LRRC37A2: variants seen among roughly 807,000 people sequenced by gnomAD.
LRRC37A2 encodes the protein leucine rich repeat containing 37 member A2, also known as leucine-rich repeat-containing protein 37A2.
In LRRC37A2, 9 loss-of-function variants were observed where a neutral mutation model predicts 68.8. The observed-to-expected ratio is 0.13, with a 90% confidence interval of 0.08 to 0.23. LRRC37A2 has a LOEUF of 0.23. Among genes scored for constraint, LRRC37A2 ranks in the 10% least tolerant of loss-of-function variants. LRRC37A2 has a pLI of 1.00. For synonymous variants in LRRC37A2, 63 were observed against 367.6 expected (o/e 0.17, Z 9.48); for missense variants, 168 against 950.4 (o/e 0.18, Z 10.82).
At chr17:46,923,278 G>C in the LRRC37A2 span, 13 of 1,550,026 alleles carry the variant, frequency 8.4e-6, no homozygotes, top group East Asian at 3.2e-4. Context: ...AGGTGAGCCT[G>C]GCTTCTGGGG....
At chr17:46,710,322 G>A in the LRRC37A2 span, among the ~76,000 whole-genome samples, 2 of 152,168 alleles carry the variant, frequency 1.3e-5, no homozygotes, top group African/African-American at 4.8e-5. Flanking sequence ...TGACAATGAA[G>A]AAGGGTGCAA....
chr17:46,790,719 T>G, the LRRC37A2 span, among the ~76,000 whole-genome samples: 1 of 152,200 alleles, frequency 6.6e-6, no homozygotes, highest in African/African-American at 2.4e-5. Context: ...ATCTCCATGT[T>G]CACGGCCACA....
At chr17:46,961,504 C>G in the LRRC37A2 span, among the ~76,000 whole-genome samples, 1 of 152,076 alleles carries the variant, frequency 6.6e-6, no homozygotes, top group African/African-American at 2.4e-5. Context: ...CATTGCACTC[C>G]AGCCTGGGTG....
chr17:46,963,302 T>C, the LRRC37A2 span, among the ~76,000 whole-genome samples: 2 of 152,184 alleles, frequency 1.3e-5, no homozygotes, highest in Non-Finnish European at 2.9e-5. Flanking sequence ...CCCAGCACTT[T>C]GGGAGGCCAA....
the LRRC37A2 span, among the ~76,000 whole-genome samples, chr17:46,841,802 G>A: frequency 5.9e-5 from 9 of 152,374 alleles, no homozygotes; most frequent in Admixed American, 2.0e-4. Flanking sequence ...GAGACCTTGA[G>A]CAACCACGTC....
the LRRC37A2 span, among the ~76,000 whole-genome samples, chr17:46,791,811 A>G: frequency 8.9e-6 from 1 of 111,812 alleles, no homozygotes; most frequent in African/African-American, 4.4e-5. Flanking sequence ...ATTTCGAGGC[A>G]GGGGGATCAC....
the LRRC37A2 span, among the ~76,000 whole-genome samples, chr17:46,895,553 A>G: frequency 2.6e-5 from 4 of 152,172 alleles, no homozygotes; most frequent in African/African-American, 9.7e-5. Context: ...TGTCCCCGCC[A>G]TTGTCACTAT....
the LRRC37A2 span, chr17:46,722,281 AC>A: frequency 1.2e-6 from 1 of 862,702 alleles, no homozygotes; most frequent in Admixed American, 2.0e-5. Flanking sequence ...TCTGTAAGAT[AC>A]GGTTCTTACC....
At chr17:46,806,312 C>T in the LRRC37A2 span, among the ~76,000 whole-genome samples, 2 of 145,050 alleles carry the variant, frequency 1.4e-5, no homozygotes, top group African/African-American at 5.1e-5. Flanking sequence ...TCGGTTGAAG[C>T]GATTCTCCTT....
chr17:46,487,070 T>C, the LRRC37A2 span: 4 of 768,342 alleles, frequency 5.2e-6, 1 homozygote, highest in African/African-American at 6.2e-5. Flanking sequence ...GAAGTGGACA[T>C]GGAGAAAGCA....
the LRRC37A2 span, among the ~76,000 whole-genome samples, chr17:46,780,669 A>C: frequency 6.6e-6 from 1 of 152,154 alleles, no homozygotes; most frequent in Non-Finnish European, 1.5e-5. Context: ...CCAGCTACTC[A>C]GAGAGGCTGA....
At chr17:46,893,462 C>G in the LRRC37A2 span, among the ~76,000 whole-genome samples, 1 of 152,116 alleles carries the variant, frequency 6.6e-6, no homozygotes, top group African/African-American at 2.4e-5. Flanking sequence ...GACCTCAGAC[C>G]CTTTTTATCT....
chr17:46,872,808 G>C, the LRRC37A2 span: 120 of 1,481,488 alleles, frequency 8.1e-5, 2 homozygotes, highest in Middle Eastern at 4.1e-3. Context: ...GGAGGGCTGG[G>C]GGAAGAAGCC....
chr17:46,749,935 T>C, the LRRC37A2 span: 10,905 of 1,603,470 alleles, frequency 6.8e-3, 52 homozygotes, highest in Non-Finnish European at 7.8e-3. Flanking sequence ...GATTGCACAC[T>C]GTTTATAAGA....
chr17:46,630,797 A>G, the LRRC37A2 span, among the ~76,000 whole-genome samples: 1 of 132,772 alleles, frequency 7.5e-6, no homozygotes, highest in Non-Finnish European at 1.5e-5. Context: ...AAAGTTAGGA[A>G]ATGGAGTATG....
At chr17:46,835,586 C>G in the LRRC37A2 span, among the ~76,000 whole-genome samples, 1 of 152,218 alleles carries the variant, frequency 6.6e-6, no homozygotes, top group Admixed American at 6.5e-5. Context: ...AGGAAGCCTC[C>G]CTGACTTACC....
At chr17:46,948,309 G>A in the LRRC37A2 span, among the ~76,000 whole-genome samples, 48 of 152,310 alleles carry the variant, frequency 3.2e-4, no homozygotes, top group African/African-American at 1.0e-3. Flanking sequence ...ATAGAAAGAT[G>A]GTAACTGAGG....
the LRRC37A2 span, among the ~76,000 whole-genome samples, chr17:46,841,548 G>A: frequency 1.3e-5 from 2 of 152,260 alleles, no homozygotes; most frequent in Non-Finnish European, 2.9e-5. Context: ...AATTGAGAGC[G>A]GGTTAAGGTG....
the LRRC37A2 span, among the ~76,000 whole-genome samples, chr17:46,759,771 C>T: frequency 6.6e-6 from 1 of 152,150 alleles, no homozygotes; most frequent in Non-Finnish European, 1.5e-5. Flanking sequence ...TGTACCTCAT[C>T]CCCTCATCCT....
Sources: allele counts gnomAD v4.1 joint callset (sites outside exome capture counted in the v4.1 genomes callset), GRCh38; gene constraint gnomAD v4.1.1; transcripts MANE v1.5; gene names NCBI Gene and HGNC (gene_info 2026-07-23, HGNC 2026-07-21).